ADK: variants seen among roughly 807,000 people sequenced by gnomAD.
ADK encodes adenosine kinase.
ADK carries 24 observed loss-of-function variants against 44.7 expected under a neutral mutation model. That is an observed-to-expected ratio of 0.54 (90% CI 0.39 to 0.76). ADK has a LOEUF of 0.76. Among genes scored for constraint, ADK ranks in the 30% least tolerant of loss-of-function variants. The pLI is 0.00. For missense variants in ADK, 321 were observed against 425.1 expected (o/e 0.76, Z 2.15); for synonymous variants, 128 against 142.6 (o/e 0.90, Z 0.73).
intron 6 of ADK, among the ~76,000 whole-genome samples, chr10:74,523,363 C>CTT (rs1228964203): frequency 1.3e-5 from 2 of 152,158 alleles, no homozygotes; most frequent in Non-Finnish European, 2.9e-5. Flanking sequence ...AATCTTATGA[C>CTT]TTTTACTCAT....
chr10:74,663,595 G>A (rs1001166404), intron 9 of ADK, among the ~76,000 whole-genome samples: 3 of 152,108 alleles, frequency 2.0e-5, no homozygotes, highest in Admixed American at 6.6e-5. Flanking sequence ...AAGATGTGCT[G>A]TAGGATTCTC....
At chr10:74,247,021 C>G (rs1478078182) in intron 3 of ADK, among the ~76,000 whole-genome samples, 1 of 151,696 alleles carries the variant, frequency 6.6e-6, no homozygotes, top group Non-Finnish European at 1.5e-5. Context: ...CCTTGAATTA[C>G]TCGATACTCT....
chr10:74,397,725 A>C (rs1352171906), intron 5 of ADK, among the ~76,000 whole-genome samples: 1 of 152,108 alleles, frequency 6.6e-6, no homozygotes, highest in Non-Finnish European at 1.5e-5. Context: ...TATTTTGTAG[A>C]GATGGGATCT....
At chr10:74,267,310 T>C (rs1191518697) in intron 3 of ADK, among the ~76,000 whole-genome samples, 2 of 152,172 alleles carry the variant, frequency 1.3e-5, no homozygotes, top group African/African-American at 2.4e-5. Context: ...GTTGTGTATA[T>C]GGAGAGAAGG....
At chr10:74,218,066 AC>A (rs1844136019) in intron 2 of ADK, among the ~76,000 whole-genome samples, 1 of 152,160 alleles carries the variant, frequency 6.6e-6, no homozygotes. Context: ...AGACGATCAA[AC>A]TACGAGCTAC....
At chr10:74,395,351 G>C (rs971023835) in intron 5 of ADK, among the ~76,000 whole-genome samples, 1 of 151,988 alleles carries the variant, frequency 6.6e-6, no homozygotes, top group Non-Finnish European at 1.5e-5. Flanking sequence ...TTAAGGAATG[G>C]ACTATTCTAG....
chr10:74,445,301 T>C (rs1248061967), intron 6 of ADK, among the ~76,000 whole-genome samples: 1 of 152,000 alleles, frequency 6.6e-6, no homozygotes, highest in Non-Finnish European at 1.5e-5. Context: ...TCATTAATGT[T>C]CCTATAATTA....
At chr10:74,546,911 G>A (rs1002826114) in intron 7 of ADK, among the ~76,000 whole-genome samples, 2 of 152,098 alleles carry the variant, frequency 1.3e-5, no homozygotes, top group South Asian at 2.1e-4. Context: ...ATTGTAGAGC[G>A]TTAAAAATAC....
At position 74,486,156 on chromosome 10, in the gene ADK, T is replaced by C. The variant is rs117534911; in HGVS notation, c.556-39100T>C. ...GGTATCCTTCAGGCTGGTCTCATGA[T>C]AGTAAGTGAGTTCTCATGAGATCTG... is the stretch of plus-strand genomic sequence containing the variant. On this transcript the variant is annotated intron_variant, in intron 6 of 10. Transcript: ENST00000539909. 7.2e-3 allele frequency among the ~76,000 whole-genome samples: 1,099 copies of C among 152,176 alleles called. 5 individuals carry two copies. The highest frequency in any genetic ancestry group is 0.034 in the Middle Eastern group (10 of 294).
intron 4 of ADK, among the ~76,000 whole-genome samples, chr10:74,350,504 A>G (rs1387341277): frequency 5.9e-5 from 9 of 152,208 alleles, no homozygotes; most frequent in Admixed American, 1.3e-4. Flanking sequence ...AATTAAAAGA[A>G]CTAGAGAAGC....
intron 3 of ADK, among the ~76,000 whole-genome samples, chr10:74,285,657 G>A (rs1338957657): frequency 6.6e-6 from 1 of 152,094 alleles, no homozygotes; most frequent in Non-Finnish European, 1.5e-5. Flanking sequence ...CTCCAGCCTG[G>A]GTGACAGAGT....
intron 3 of ADK, among the ~76,000 whole-genome samples, chr10:74,291,248 C>G (rs11000963): frequency 6.6e-6 from 1 of 152,024 alleles, no homozygotes; most frequent in Non-Finnish European, 1.5e-5. Flanking sequence ...AACCCTGTCT[C>G]TAATAAAAAA....
chr10:74,536,113 AT>A (rs879392019), intron 7 of ADK, among the ~76,000 whole-genome samples: 122 of 151,892 alleles, frequency 8.0e-4, no homozygotes, highest in Non-Finnish European at 1.2e-3. Flanking sequence ...CTGATGATTC[AT>A]TTTTTTTCCA....
chr10:74,708,182 C>G (rs769362986), intron 10 of ADK, 139 bp from the exon 11 acceptor site: 1 of 821,926 alleles, frequency 1.2e-6, no homozygotes, highest in Non-Finnish European at 1.9e-6. Context: ...ACCTCCCTAA[C>G]GGTAACGCAC....
chr10:74,536,113 A>AT (rs879392019), intron 7 of ADK, among the ~76,000 whole-genome samples: 3 of 151,774 alleles, frequency 2.0e-5, no homozygotes, highest in Admixed American at 6.6e-5. Flanking sequence ...CTGATGATTC[A>AT]TTTTTTTTCC....
rs918043954 is a variant in ADK at position 74,159,687 on chromosome 10, G to A, written c.65+8344G>A. Among the ~76,000 whole-genome samples the A allele has an allele frequency of 3.4e-4, 51 of 152,050 alleles. 2 individuals carry two copies. The highest frequency in any genetic ancestry group is 2.9e-5 in the Non-Finnish European group (2 of 67,998). The stretch of plus-strand genomic sequence containing the variant: ...AGCTCACTGCAACCTCCGCCTCCTG[G>A]GTTCAAGCAACTCTCCTGCCTCAGC... On this transcript the variant is annotated intron_variant, in intron 1 of 10. Coordinates refer to ENST00000539909, the MANE Select transcript of ADK (RefSeq NM_006721.4).
chr10:74,582,733 T>TATATA (rs1851412588), intron 7 of ADK, among the ~76,000 whole-genome samples: 2 of 152,148 alleles, frequency 1.3e-5, no homozygotes, highest in Admixed American at 1.3e-4. Flanking sequence ...GAGGCATGAG[T>TATATA]GTCTTTATAG....
At position 74,224,487 on chromosome 10, in the gene ADK, C is replaced by G. The variant is rs376900767; in HGVS notation, c.141-51C>G. 14 of 1,466,038 alleles carry G rather than the reference C, an allele frequency of 9.5e-6. No homozygotes were observed. The African/African-American group carries it at 1.3e-4, about 13-fold the overall frequency. 90.8% of individuals were successfully genotyped at this position (1,466,038 alleles called of 1,614,324 possible). A position where few individuals can be genotyped will look rare whatever the true frequency, so the allele number is the denominator to read the frequency against. On this transcript the variant is annotated intron_variant, in intron 2 of 10. Coordinates refer to ENST00000539909, the MANE Select transcript of ADK (RefSeq NM_006721.4). ...TGTTTTGAAGAGGTCAGCTAACTTA[C>G]GTTGACACTGTGTGTGTATGAAGAG... is the stretch of plus-strand genomic sequence containing the variant.
chr10:74,158,799 C>CT (rs749957591), intron 1 of ADK, among the ~76,000 whole-genome samples: 14 of 152,204 alleles, frequency 9.2e-5, no homozygotes, highest in Non-Finnish European at 7.3e-5. Context: ...CTGTTCTGCA[C>CT]TTCTATGATA....
Sources: gnomAD v4.1 joint callset for allele counts (sites outside exome capture counted in the v4.1 genomes callset) on GRCh38, gnomAD v4.1.1 for gene constraint, MANE v1.5 for transcripts, NCBI Gene and HGNC (gene_info 2026-07-23, HGNC 2026-07-21) for gene names.